TRIP4: variants seen among roughly 807,000 people sequenced by gnomAD.
TRIP4 encodes activating signal cointegrator 1.
In TRIP4, 54 loss-of-function variants were observed where a neutral mutation model predicts 81.8. The observed-to-expected ratio is 0.66, with a 90% CI of 0.53 to 0.83. The LOEUF is 0.83. Among genes scored for constraint, TRIP4 ranks in the 40% least tolerant of loss-of-function variants. The pLI, the probability that TRIP4 is intolerant of heterozygous loss-of-function variation, is 0.00. For synonymous variants in TRIP4, 270 were observed against 242.8 expected (o/e 1.11, Z -1.04); for missense variants, 662 against 683.6 (o/e 0.97, Z 0.35).
At chr15:64,441,147 C>T (rs572520060) in intron 11 of TRIP4, among the ~76,000 whole-genome samples, 6 of 152,028 alleles carry the variant, frequency 3.9e-5, no homozygotes, top group Non-Finnish European at 7.4e-5. Context: ...CTGGTGCCCG[C>T]CACCACGCCT....
intron 4 of TRIP4, among the ~76,000 whole-genome samples, chr15:64,399,414 T>A (rs1891433897): frequency 3.3e-5 from 5 of 152,184 alleles, no homozygotes; most frequent in Admixed American, 3.3e-4. Context: ...GCAGGAACTC[T>A]GTGTGTCATT....
At position 64,397,652 on chromosome 15, in the gene TRIP4, A is replaced by G. The variant is rs76697871; in HGVS notation, c.452A>G (p.Asn151Ser). 1,067 of 1,614,044 alleles carry G rather than the reference A, an allele frequency of 6.6e-4. 7 individuals are homozygous for G. The African/African-American group carries it at 0.012, about 18-fold the overall frequency. ...GTAAAGAAGAAGACAAAGTTTGTCA[A>G]TTTATACACAAGAGAGGGACAGGAC... ...NSVKKKTKFV[N>S]LYTREGQDRL... is the part of the protein sequence containing the mutation. Residue 151 changes from asparagine to serine, a missense_variant, in exon 4 of 13, where the codon AAT becomes AGT. Asn to Ser is a conservative substitution (Grantham distance 46, BLOSUM62 1). Coordinates refer to ENST00000261884, the MANE Select transcript of TRIP4 (RefSeq NM_016213.5).
chr15:64,426,396 A>G (rs1248991409), intron 11 of TRIP4, among the ~76,000 whole-genome samples: 1 of 152,084 alleles, frequency 6.6e-6, no homozygotes, highest in Non-Finnish European at 1.5e-5. Context: ...TTTAATTTTT[A>G]TCACTAAAGA....
At chr15:64,415,086 C>T (rs1891863708) in intron 8 of TRIP4, among the ~76,000 whole-genome samples, 1 of 150,756 alleles carries the variant, frequency 6.6e-6, no homozygotes, top group Admixed American at 6.6e-5. Context: ...CAGAGTGAGA[C>T]CCTGTCTCAA....
chr15:64,405,924 T>G (rs1486724492), intron 5 of TRIP4, among the ~76,000 whole-genome samples: 1 of 152,182 alleles, frequency 6.6e-6, no homozygotes, highest in Non-Finnish European at 1.5e-5. Flanking sequence ...CCTAAGAGTT[T>G]GAGACTGCAG....
At chr15:64,428,890 G>A (rs1227577293) in intron 11 of TRIP4, among the ~76,000 whole-genome samples, 4 of 152,066 alleles carry the variant, frequency 2.6e-5, no homozygotes, top group African/African-American at 9.7e-5. Flanking sequence ...GGGATTACAG[G>A]TGTGAGCCAC....
At chr15:64,429,701 T>C (rs1379416735) in intron 11 of TRIP4, among the ~76,000 whole-genome samples, 1 of 152,214 alleles carries the variant, frequency 6.6e-6, no homozygotes, top group Non-Finnish European at 1.5e-5. Flanking sequence ...TTAGTCTAAG[T>C]ATGCTTGATT....
At chr15:64,431,715 A>G (rs1444522472) in intron 11 of TRIP4, among the ~76,000 whole-genome samples, 2 of 151,330 alleles carry the variant, frequency 1.3e-5, no homozygotes, top group Non-Finnish European at 2.9e-5. Context: ...CAAATTAAAA[A>G]AAAAAACAAA....
chr15:64,413,135 G>A (rs1891805698), intron 7 of TRIP4, among the ~76,000 whole-genome samples: 1 of 152,134 alleles, frequency 6.6e-6, no homozygotes, highest in South Asian at 2.1e-4. Flanking sequence ...TAACTGTATA[G>A]GTTGTATTGC....
intron 11 of TRIP4, among the ~76,000 whole-genome samples, chr15:64,438,637 G>A (rs910692800): frequency 6.6e-6 from 1 of 152,162 alleles, no homozygotes; most frequent in African/African-American, 2.4e-5. Context: ...AAGTTGGAGT[G>A]GAAGCCTATT....
intron 1 of TRIP4, among the ~76,000 whole-genome samples, chr15:64,389,170 A>G (rs1900042527): frequency 6.6e-6 from 1 of 152,196 alleles, no homozygotes; most frequent in Non-Finnish European, 1.5e-5. Flanking sequence ...AACTACAAAA[A>G]TGGGACTTGA....
chr15:64,388,527 T>A (rs1443277098), intron 1 of TRIP4, among the ~76,000 whole-genome samples: 1 of 152,140 alleles, frequency 6.6e-6, no homozygotes, highest in Non-Finnish European at 1.5e-5. Flanking sequence ...CAGGCTAGTC[T>A]CCAGCTCCTG....
intron 5 of TRIP4, among the ~76,000 whole-genome samples, chr15:64,405,603 T>C (rs925206087): frequency 6.6e-6 from 1 of 152,238 alleles, no homozygotes; most frequent in Admixed American, 6.5e-5. Context: ...ACTCAGCATT[T>C]AGCAGGTTCT....
chr15:64,432,479 G>A (rs950997917), intron 11 of TRIP4, among the ~76,000 whole-genome samples: 12 of 151,642 alleles, frequency 7.9e-5, no homozygotes, highest in East Asian at 1.9e-4. Context: ...GCATGGTGGC[G>A]CACCCCTGTA....
At chr15:64,395,189 T>G (rs1323648390) in intron 2 of TRIP4, among the ~76,000 whole-genome samples, 1 of 152,198 alleles carries the variant, frequency 6.6e-6, no homozygotes, top group East Asian at 1.9e-4. Flanking sequence ...CCCAGCCACT[T>G]GTTTGACTTC....
chr15:64,416,401 A>G (rs1182549943), intron 8 of TRIP4, among the ~76,000 whole-genome samples: 2 of 152,118 alleles, frequency 1.3e-5, no homozygotes, highest in African/African-American at 4.8e-5. Context: ...GGGCCTCAAG[A>G]TTGTTCACAT....
chr15:64,416,672 C>T (rs1243730212), intron 8 of TRIP4, among the ~76,000 whole-genome samples: 1 of 152,002 alleles, frequency 6.6e-6, no homozygotes, highest in Non-Finnish European at 1.5e-5. Context: ...TCAATTCTGC[C>T]TTATGTTTTG....
chr15:64,438,104 C>G (rs900288337), intron 11 of TRIP4, among the ~76,000 whole-genome samples: 1 of 152,104 alleles, frequency 6.6e-6, no homozygotes, highest in African/African-American at 2.4e-5. Flanking sequence ...TTAATAACAC[C>G]AGATTGCTTG....
chr15:64,394,281 A>T (rs999947998), intron 2 of TRIP4, among the ~76,000 whole-genome samples, 166 bp downstream of exon 2: 13 of 152,134 alleles, frequency 8.5e-5, no homozygotes, highest in Non-Finnish European at 1.9e-4. Context: ...TCCGTAATGA[A>T]TATTGCTCTA....
Sources: allele counts gnomAD v4.1 joint callset (sites outside exome capture counted in the v4.1 genomes callset), GRCh38; gene constraint gnomAD v4.1.1; transcripts MANE v1.5; gene names NCBI Gene and HGNC (gene_info 2026-07-23, HGNC 2026-07-21).